The following SLC25A26 variants were observed in gnomAD, a reference collection of about 807,000 sequenced individuals.
The protein encoded by SLC25A26 is mitochondrial S-adenosylmethionine carrier protein.
Under a neutral mutation model 37.8 loss-of-function variants are expected in SLC25A26, and 36 were observed. That is an observed-to-expected ratio of 0.95 (90% CI 0.73 to 1.26). The LOEUF is 1.26. Among genes scored for constraint, SLC25A26 ranks in the 50% most tolerant of loss-of-function variants. The pLI is 0.00. For synonymous variants in SLC25A26, 129 were observed against 122.5 expected (o/e 1.05, Z -0.35); for missense variants, 390 against 331.1 (o/e 1.18, Z -1.38).
intron 1 of SLC25A26, among the ~76,000 whole-genome samples, chr3:66,233,901 A>G (rs1409415663): frequency 1.3e-5 from 2 of 152,216 alleles, no homozygotes; most frequent in East Asian, 1.9e-4. Flanking sequence ...CTAGATTGAA[A>G]GAGTAATTAT....
rs28449703 is a variant in SLC25A26, at chr3:66,331,503, G to A, written c.454-14861G>A. Among the ~76,000 whole-genome samples, 879 of 152,046 alleles carry A rather than the reference G, an allele frequency of 5.8e-3. 9 individuals are homozygous for A. The highest frequency in any genetic ancestry group is 0.02 in the African/African-American group (831 of 41,476). On this transcript the variant is annotated intron_variant, in intron 5 of 9. Transcript: ENST00000354883. ...AAGACTTCTTTATTTTGTTTTATGT[G>A]TGTGTGTTTTTTAAACAGAATATAG...
chr3:66,198,618 A>T (rs2071074943), intron 1 of SLC25A26, among the ~76,000 whole-genome samples: 1 of 150,534 alleles, frequency 6.6e-6, no homozygotes, highest in Admixed American at 6.6e-5. Context: ...CACCCTCACC[A>T]TGTCCCTGAC....
chr3:66,199,243 A>G (rs1406460250), intron 1 of SLC25A26, among the ~76,000 whole-genome samples: 2 of 151,048 alleles, frequency 1.3e-5, no homozygotes, highest in Non-Finnish European at 2.9e-5. Context: ...CTCTCACCCT[A>G]CCTTTACCCT....
At chr3:66,247,380 C>T (rs543114405) in intron 3 of SLC25A26, among the ~76,000 whole-genome samples, 1 of 152,258 alleles carries the variant, frequency 6.6e-6, no homozygotes, top group East Asian at 1.9e-4. Flanking sequence ...GTGGTCATAG[C>T]TGCTGTAGCC....
chr3:66,283,017 C>G (rs1439392638), intron 5 of SLC25A26, among the ~76,000 whole-genome samples: 1 of 152,150 alleles, frequency 6.6e-6, no homozygotes, highest in African/African-American at 2.4e-5. Context: ...TTGCATGTAT[C>G]AATAGTTTCT....
chr3:66,155,918 T>C (rs963705620), intron 1 of SLC25A26, among the ~76,000 whole-genome samples: 6 of 152,228 alleles, frequency 3.9e-5, no homozygotes, highest in African/African-American at 1.4e-4. Context: ...CACTCTCTCA[T>C]TTTAAGCACT....
At chr3:66,252,531 C>T (rs6806066) in intron 3 of SLC25A26, among the ~76,000 whole-genome samples, 3,715 of 152,226 alleles carry the variant, frequency 0.024, 149 homozygotes, top group African/African-American at 0.084. Context: ...CTGAAATGCT[C>T]TTTTCCTCAT....
chr3:66,297,233 C>T (rs1301690144), intron 5 of SLC25A26, among the ~76,000 whole-genome samples: 1 of 149,490 alleles, frequency 6.7e-6, no homozygotes, highest in African/African-American at 2.5e-5. Flanking sequence ...GAGGCTGAGG[C>T]AGGAGAATTG....
In SLC25A26 at chr3:66,207,068, G is replaced by A. The variant is rs910615440; in HGVS notation, c.-353-13674G>A. 2.7e-3 allele frequency among the ~76,000 whole-genome samples: 413 copies of A among 151,890 alleles called. 2 individuals carry two copies. Among genetic ancestry groups the A allele is most frequent in the Non-Finnish European group, 4.3e-3 (290 of 67,960 alleles). ...AGTTACAGGTTCTATGTGGCGATCA[G>A]ACTCAAAAGACTCGGTAGGCTTTAA... On this transcript the variant is annotated intron_variant, in intron 1 of 10. Coordinates refer to the SLC25A26 transcript ENST00000676754.
chr3:66,369,356 GTTC>G (rs1394273258), intron 7 of SLC25A26, 119 bp from the exon 8 acceptor site: 1 of 775,236 alleles, frequency 1.3e-6, no homozygotes, highest in Non-Finnish European at 2.2e-6. Context: ...TGTGCATCCT[GTTC>G]TTCAATCAGC....
intron 1 of SLC25A26, among the ~76,000 whole-genome samples, chr3:66,207,053 T>G (rs2071190049): frequency 6.6e-6 from 1 of 151,976 alleles, no homozygotes; most frequent in Non-Finnish European, 1.5e-5. Flanking sequence ...AGTTACAGGT[T>G]CTATGTGGCG....
chr3:66,251,981 T>A (rs562712870), intron 3 of SLC25A26, among the ~76,000 whole-genome samples: 1 of 151,976 alleles, frequency 6.6e-6, no homozygotes, highest in African/African-American at 2.4e-5. Flanking sequence ...ACAATTAAGT[T>A]GAGCTTTATA....
intron 5 of SLC25A26, among the ~76,000 whole-genome samples, chr3:66,341,497 A>G (rs1020763449): frequency 6.6e-6 from 1 of 152,184 alleles, no homozygotes; most frequent in African/African-American, 2.4e-5. Context: ...GAATGTGGAA[A>G]AAGAAAATCT....
At chr3:66,328,833 T>G (rs2075901978) in intron 5 of SLC25A26, among the ~76,000 whole-genome samples, 1 of 152,168 alleles carries the variant, frequency 6.6e-6, no homozygotes, top group Admixed American at 6.5e-5. Flanking sequence ...TAAAGTGTTT[T>G]AAGAAATTTA....
At chr3:66,243,341 C>A in intron 3 of SLC25A26, 29 bp downstream of exon 3, 1 of 1,121,506 alleles carries the variant, frequency 8.9e-7, no homozygotes, top group Non-Finnish European at 1.3e-6. Context: ...GTATAAAATA[C>A]TTCAGAAATG....
At chr3:66,243,725 G>A (rs2072696304) in intron 3 of SLC25A26, among the ~76,000 whole-genome samples, 1 of 152,200 alleles carries the variant, frequency 6.6e-6, no homozygotes, top group Non-Finnish European at 1.5e-5. Flanking sequence ...TCTTTGTAAG[G>A]TAGAAGTGAA....
intron 1 of SLC25A26, among the ~76,000 whole-genome samples, chr3:66,150,903 G>A (rs910451289): frequency 1.3e-5 from 2 of 151,782 alleles, no homozygotes; most frequent in Non-Finnish European, 2.9e-5. Flanking sequence ...TGCTCCTACT[G>A]TCTTTCCTTT....
intron 5 of SLC25A26, among the ~76,000 whole-genome samples, chr3:66,274,189 C>A (rs1157652380): frequency 6.6e-6 from 1 of 151,862 alleles, no homozygotes; most frequent in Non-Finnish European, 1.5e-5. Context: ...GGAAAACTGG[C>A]TAGCCATATG....
chr3:66,338,191 T>A (rs996046246), intron 5 of SLC25A26, among the ~76,000 whole-genome samples: 2 of 152,068 alleles, frequency 1.3e-5, no homozygotes, highest in African/African-American at 4.8e-5. Context: ...TTTTTTTCAT[T>A]GTATTACTAA....
Sources: allele counts gnomAD v4.1 joint callset (sites outside exome capture counted in the v4.1 genomes callset), GRCh38; gene constraint gnomAD v4.1.1; transcripts MANE v1.5; gene names NCBI Gene and HGNC (gene_info 2026-07-23, HGNC 2026-07-21).